SCRG1: variants seen among roughly 807,000 people sequenced by gnomAD.
SCRG1 encodes scrapie-responsive protein 1.
In SCRG1, 3 loss-of-function variants were observed where a neutral mutation model predicts 7.7. The observed-to-expected ratio is 0.39, with a 90% CI of 0.18 to 1.01. The LOEUF (loss-of-function observed/expected upper bound fraction) is 1.01, where lower values mean the gene tolerates loss of function less well. Among genes scored for constraint, SCRG1 ranks in the 50% least tolerant of loss-of-function variants. The probability of loss-of-function intolerance (pLI) is 0.36; values close to 1 mark genes in which losing one functional copy is unlikely to be tolerated. For synonymous variants in SCRG1, 46 were observed against 41.2 expected (o/e 1.12, Z -0.44); for missense variants, 110 against 117.2 (o/e 0.94, Z 0.28).
chr4:173,443,102 G>A, the SCRG1 span, among the ~76,000 whole-genome samples: 2 of 152,118 alleles, frequency 1.3e-5, no homozygotes, highest in Admixed American at 1.3e-4. Context: ...TTAACTCGAG[G>A]ATTTTCTATT....
At chr4:173,510,536 C>T in the SCRG1 span, among the ~76,000 whole-genome samples, 2 of 152,054 alleles carry the variant, frequency 1.3e-5, no homozygotes, top group African/African-American at 4.8e-5. This position sits in a 1 kb window ranked among gnomAD's most constrained non-coding sequence, Gnocchi z 5.7. Flanking sequence ...TGGGACCTGG[C>T]GCCTTGCAGG....
At chr4:173,448,909 T>C in the SCRG1 span, among the ~76,000 whole-genome samples, 3 of 152,240 alleles carry the variant, frequency 2.0e-5, no homozygotes, top group African/African-American at 4.8e-5. Flanking sequence ...TCTACAGGAA[T>C]GGTTTAGGAC....
the SCRG1 span, among the ~76,000 whole-genome samples, chr4:173,428,769 T>C: frequency 6.6e-6 from 1 of 152,004 alleles, no homozygotes; most frequent in African/African-American, 2.4e-5. Context: ...AGTACATTAG[T>C]TGTAAAATAG....
the SCRG1 span, among the ~76,000 whole-genome samples, chr4:173,467,127 T>G: frequency 2.6e-5 from 4 of 152,196 alleles, no homozygotes; most frequent in East Asian, 3.8e-4. Flanking sequence ...CCCCATGGAA[T>G]GTACAACCAA....
chr4:173,480,131 C>T, the SCRG1 span, among the ~76,000 whole-genome samples: 1 of 152,250 alleles, frequency 6.6e-6, no homozygotes, highest in Non-Finnish European at 1.5e-5. Flanking sequence ...GCCACCATGC[C>T]TGGCTGCTGC....
the SCRG1 span, among the ~76,000 whole-genome samples, chr4:173,475,672 A>G: frequency 6.6e-6 from 1 of 152,306 alleles, no homozygotes; most frequent in East Asian, 1.9e-4. Flanking sequence ...CACAATAGTC[A>G]AAAAAGGTGG....
chr4:173,455,335 C>A, the SCRG1 span, among the ~76,000 whole-genome samples: 4 of 152,196 alleles, frequency 2.6e-5, no homozygotes, highest in Non-Finnish European at 5.9e-5. Flanking sequence ...AGAACATATA[C>A]CTGTAGTGTG....
chr4:173,455,471 G>A, the SCRG1 span, among the ~76,000 whole-genome samples: 1 of 152,108 alleles, frequency 6.6e-6, no homozygotes. Flanking sequence ...GAAGTCCCCT[G>A]GCCTTTGGCT....
intron 1 of SCRG1, chr4:173,406,177 A>G (rs541709069): frequency 6.6e-6 from 1 of 152,362 alleles, no homozygotes; most frequent in South Asian, 2.1e-4. Flanking sequence ...AGCAGTGGGA[A>G]CCTAACTCCT....
At chr4:173,483,158 T>TATATAACATATAAC in the SCRG1 span, among the ~76,000 whole-genome samples, 3 of 103,054 alleles carry the variant, frequency 2.9e-5, no homozygotes, top group Admixed American at 4.4e-4. Flanking sequence ...ACATATGAAA[T>TATATAACATATAAC]ATATAACATA....
chr4:173,414,251 G>T, the SCRG1 span, among the ~76,000 whole-genome samples: 1 of 152,170 alleles, frequency 6.6e-6, no homozygotes, highest in African/African-American at 2.4e-5. Context: ...CCTGACATCT[G>T]TGCCTGTTTA....
upstream of SCRG1, among the ~76,000 whole-genome samples, chr4:173,400,574 T>G (rs150744064): frequency 6.6e-6 from 1 of 152,326 alleles, no homozygotes; most frequent in Non-Finnish European, 1.5e-5. Context: ...CTCAACTAAA[T>G]AACTAATGCA....
chr4:173,485,096 T>A, the SCRG1 span, among the ~76,000 whole-genome samples: 33 of 41,940 alleles, frequency 7.9e-4, 3 homozygotes, highest in African/African-American at 2.6e-3. Flanking sequence ...TATTATATAT[T>A]ATATATTATA....
intron 1 of SCRG1, among the ~76,000 whole-genome samples, chr4:173,405,756 C>T (rs1006168059): frequency 6.6e-5 from 10 of 152,162 alleles, no homozygotes; most frequent in Non-Finnish European, 1.0e-4. Context: ...CCATCAAGGT[C>T]GTGGTTTTTG....
At chr4:173,415,135 A>G in the SCRG1 span, among the ~76,000 whole-genome samples, 1 of 152,232 alleles carries the variant, frequency 6.6e-6, no homozygotes, top group Admixed American at 6.5e-5. Context: ...ACTAATAAAG[A>G]TGACTAGTGT....
the SCRG1 span, among the ~76,000 whole-genome samples, chr4:173,487,869 G>A: frequency 1.3e-5 from 2 of 151,922 alleles, no homozygotes; most frequent in South Asian, 2.1e-4. Flanking sequence ...TTGGGAGGCC[G>A]AGGTGGGCAG....
the SCRG1 span, among the ~76,000 whole-genome samples, chr4:173,513,240 T>G: frequency 1.3e-5 from 2 of 152,224 alleles, no homozygotes; most frequent in Non-Finnish European, 2.9e-5. Context: ...CTCCCTTTTT[T>G]CTTATTCTTT....
At chr4:173,476,816 A>G in the SCRG1 span, among the ~76,000 whole-genome samples, 1 of 152,174 alleles carries the variant, frequency 6.6e-6, no homozygotes. Flanking sequence ...GCAAGATCCC[A>G]TCTCTAAAAA....
chr4:173,494,445 C>A, the SCRG1 span, among the ~76,000 whole-genome samples: 1 of 152,176 alleles, frequency 6.6e-6, no homozygotes, highest in Non-Finnish European at 1.5e-5. Flanking sequence ...TCTATGTTTC[C>A]AAAGAGCGGA....
Sources: gnomAD v4.1 joint callset for allele counts (sites outside exome capture counted in the v4.1 genomes callset) on GRCh38, gnomAD v4.1.1 for gene constraint, Gnocchi (gnomAD v3.1) non-coding constraint, MANE v1.5 for transcripts, NCBI Gene and HGNC (gene_info 2026-07-23, HGNC 2026-07-21) for gene names.